The following ZNF626 variants were observed in gnomAD, a reference collection of about 807,000 sequenced individuals.
ZNF626 encodes the protein zinc finger protein 626.
ZNF626 carries 4 observed loss-of-function variants against 11.7 expected under a neutral mutation model. The observed-to-expected ratio is 0.34, with a 90% CI of 0.17 to 0.78. The LOEUF (loss-of-function observed/expected upper bound fraction) is 0.78. ZNF626 is among the 30% of genes least tolerant of loss of function. The pLI is 0.57. For missense variants in ZNF626, 588 were observed against 587.1 expected (o/e 1.00, Z -0.01); for synonymous variants, 179 against 198.6 (o/e 0.90, Z 0.83).
intron 3 of ZNF626, among the ~76,000 whole-genome samples, chr19:20,631,609 C>T (rs1969906543): frequency 8.6e-6 from 1 of 116,556 alleles, no homozygotes; most frequent in Non-Finnish European, 1.7e-5. Flanking sequence ...GGATTGCAAC[C>T]CCTGCCTTTT....
At position 20,623,806 on chromosome 19, in the gene ZNF626, A is replaced by C. The variant is rs1969784767; in HGVS notation, c.*484T>G. The C allele has an allele frequency of 3.8e-6, 1 of 263,690 alleles. No homozygotes were observed. Among genetic ancestry groups the C allele is most frequent in the African/African-American group, 2.3e-5 (1 of 43,426 alleles). The allele number at this position is 263,690 out of a possible 1,614,324, so 16.3% of individuals were successfully genotyped here. A position where few individuals can be genotyped will look rare whatever the true frequency, so the allele number is the denominator to read the frequency against. The stretch of plus-strand genomic sequence containing the variant: ...AAGAGTTGAAACTCCATCTCAAAAA[A>C]AAAAAAAAAAAGACAGAACTTGTTA... On this transcript the variant is annotated 3_prime_UTR_variant, in exon 4 of 4. Transcript: ENST00000601440.
chr19:20,653,112 A>G (rs1599486935), intron 1 of ZNF626, among the ~76,000 whole-genome samples: 1 of 152,318 alleles, frequency 6.6e-6, no homozygotes, highest in East Asian at 1.9e-4. Context: ...TATGGCATGC[A>G]CTTTTCTGCA....
chr19:20,627,282 TAAG>T (rs1189973306), intron 3 of ZNF626, among the ~76,000 whole-genome samples: 5 of 151,658 alleles, frequency 3.3e-5, no homozygotes, highest in African/African-American at 9.7e-5. Flanking sequence ...AAATCATAGA[TAAG>T]AAGAGAATTT....
At chr19:20,642,161 A>T (rs1017290678) in intron 3 of ZNF626, among the ~76,000 whole-genome samples, 1 of 152,216 alleles carries the variant, frequency 6.6e-6, no homozygotes. Flanking sequence ...AAACACACAC[A>T]TACATATGTA....
chr19:20,637,022 A>T (rs1969973065), intron 3 of ZNF626, among the ~76,000 whole-genome samples: 1 of 150,620 alleles, frequency 6.6e-6, no homozygotes, highest in South Asian at 2.1e-4. Flanking sequence ...CCATCTCAAA[A>T]AAAAAAAAAA....
At chr19:20,630,976 T>C (rs1969897914) in intron 3 of ZNF626, among the ~76,000 whole-genome samples, 1 of 151,998 alleles carries the variant, frequency 6.6e-6, no homozygotes, top group Non-Finnish European at 1.5e-5. Context: ...ATGTTGTGTC[T>C]TTGTTCTCGT....
chr19:20,633,818 TC>T (rs1555770653), intron 3 of ZNF626, among the ~76,000 whole-genome samples: 1 of 152,050 alleles, frequency 6.6e-6, no homozygotes, highest in African/African-American at 2.4e-5. Context: ...TGTCTGGCAC[TC>T]CCCAGTGAGA....
In ZNF626 at chr19:20,661,401, C is replaced by G. The variant is rs369361699; in HGVS notation, c.3+43G>C. 6 of 1,613,496 alleles carry G rather than the reference C, an allele frequency of 3.7e-6. No homozygotes were observed. In the Admixed American group the frequency reaches 5.0e-5, roughly 13 times the overall value. On this transcript the variant is annotated intron_variant, in intron 1 of 3. Transcript: ENST00000601440. Reference sequence around the variant, plus strand: ...CACAGCCACTTTTCACCGGTTCCAACCAGTCCCTCTCCTCTCTCGGGATGT... The same window carrying G: ...CACAGCCACTTTTCACCGGTTCCAAGCAGTCCCTCTCCTCTCTCGGGATGT...
At chr19:20,642,092 A>G (rs1214407698) in intron 3 of ZNF626, among the ~76,000 whole-genome samples, 2 of 152,150 alleles carry the variant, frequency 1.3e-5, no homozygotes, top group African/African-American at 4.8e-5. Context: ...AACTACCATC[A>G]AAAATCAGCT....
At chr19:20,652,431 CAAG>C (rs782259517) in intron 1 of ZNF626, among the ~76,000 whole-genome samples, 4 of 151,944 alleles carry the variant, frequency 2.6e-5, no homozygotes, top group Admixed American at 1.3e-4. Flanking sequence ...GCAGCATTTA[CAAG>C]AAGATTTGTA....
chr19:20,631,925 AC>A (rs1969910343), intron 3 of ZNF626, among the ~76,000 whole-genome samples: 2 of 151,768 alleles, frequency 1.3e-5, no homozygotes, highest in Admixed American at 6.6e-5. Context: ...AGCGGCTGGT[AC>A]CGGTTGCTCC....
chr19:20,657,842 A>AT (rs1450741770), intron 1 of ZNF626, among the ~76,000 whole-genome samples: 1 of 152,152 alleles, frequency 6.6e-6, no homozygotes, highest in East Asian at 1.9e-4. Flanking sequence ...AAAAAAGAAA[A>AT]TTAATGCAGA....
In ZNF626 at chr19:20,625,286, T is replaced by G; in HGVS notation, c.591A>C (p.Gly197=). 6.2e-7 allele frequency: 1 copy of G among 1,613,978 alleles called. No individual in the cohort carries two copies. The highest frequency in any genetic ancestry group is 8.5e-7 in the Non-Finnish European group (1 of 1,180,020). Residue 197 remains glycine (G), a synonymous_variant, in exon 4 of 4, where the codon GGA becomes GGC. Transcript: ENST00000601440. ...ATTCTTCACATTTGTAGGGTTTCCC[T>G]CCAGTATGAATTTTCTTATGTGTAG... ...TLTTHKKIHT[G]GKPYKCEECG...
intron 1 of ZNF626, among the ~76,000 whole-genome samples, chr19:20,651,924 T>C (rs952312128): frequency 1.3e-5 from 2 of 152,200 alleles, no homozygotes; most frequent in Non-Finnish European, 2.9e-5. Flanking sequence ...ACTCTTAAGA[T>C]GCTTTTTTTT....
intron 3 of ZNF626, among the ~76,000 whole-genome samples, chr19:20,642,378 T>A (rs1328947151): frequency 6.6e-6 from 1 of 152,076 alleles, no homozygotes; most frequent in Non-Finnish European, 1.5e-5. Flanking sequence ...GGTGGGCAGA[T>A]CACAAGGTCA....
chr19:20,659,308 C>T (rs1482514846), intron 1 of ZNF626, among the ~76,000 whole-genome samples: 1 of 152,182 alleles, frequency 6.6e-6, no homozygotes, highest in East Asian at 1.9e-4. Context: ...GGCACCGTCT[C>T]AGCTCACTGC....
intron 3 of ZNF626, chr19:20,645,316 A>C: frequency 1.9e-6 from 3 of 1,551,516 alleles, no homozygotes; most frequent in Non-Finnish European, 2.6e-6. Context: ...GAACTTTGAG[A>C]GTAATTTTAG....
At chr19:20,638,724 T>C (rs1432115409) in intron 3 of ZNF626, among the ~76,000 whole-genome samples, 3 of 152,062 alleles carry the variant, frequency 2.0e-5, no homozygotes, top group African/African-American at 7.2e-5. Context: ...TCTATAACTA[T>C]AATATTTATC....
chr19:20,624,314 A>G lies in ZNF626; in HGVS notation c.1563T>C (p.Pro521=). The G allele has an allele frequency of 1.2e-6, 2 of 1,613,984 alleles. No individual in the cohort carries two copies. The highest frequency in any genetic ancestry group is 1.7e-6 in the Non-Finnish European group (2 of 1,179,988). ...VKNVAKPSSG[P]HTLLHIR ...ATTATCTTATGTGTAGTAAGGTGTG[A>G]GGACCGCTTGAAGGCTTTGCCACAT... is the stretch of plus-strand genomic sequence containing the variant. The change falls in exon 4 of 4, where the codon CCT becomes CCC. Residue 521 remains proline, a synonymous_variant. Transcript: ENST00000601440.
Sources: allele counts gnomAD v4.1 joint callset (sites outside exome capture counted in the v4.1 genomes callset), GRCh38; gene constraint gnomAD v4.1.1; transcripts MANE v1.5; gene names NCBI Gene and HGNC (gene_info 2026-07-23, HGNC 2026-07-21).